FBXL17: variants seen among roughly 807,000 people sequenced by gnomAD.
The protein encoded by FBXL17 is F-box/LRR-repeat protein 17.
In FBXL17, 22 loss-of-function variants were observed where a neutral mutation model predicts 66.2. The observed-to-expected ratio is 0.33, with a 90% CI of 0.24 to 0.47. The LOEUF (loss-of-function observed/expected upper bound fraction) is 0.47, where lower values mean the gene tolerates loss of function less well. Among genes scored for constraint, FBXL17 ranks in the 20% least tolerant of loss-of-function variants. The pLI is 1.00. For missense variants in FBXL17, 878 were observed against 948.2 expected, an observed-to-expected ratio of 0.93 and a Z score of 0.97; for synonymous variants, 474 against 400.5, an observed-to-expected ratio of 1.18 and a Z score of -2.19.
intron 7 of FBXL17, among the ~76,000 whole-genome samples, chr5:108,002,015 T>G (rs1464631252): frequency 6.6e-6 from 1 of 151,910 alleles, no homozygotes; most frequent in Non-Finnish European, 1.5e-5. Flanking sequence ...AAATTGCAAA[T>G]TTCTCTTGTA....
chr5:108,228,942 C>T (rs1247423392), intron 4 of FBXL17, among the ~76,000 whole-genome samples: 1 of 152,184 alleles, frequency 6.6e-6, no homozygotes, highest in South Asian at 2.1e-4. Flanking sequence ...TTGTTGGGTA[C>T]AGCTCTGCAG....
At chr5:108,232,804 T>TATATATATATATATAA (rs1252750270) in intron 4 of FBXL17, among the ~76,000 whole-genome samples, 13 of 112,034 alleles carry the variant, frequency 1.2e-4, no homozygotes, top group Admixed American at 4.5e-4. Flanking sequence ...TATATATATA[T>TATATATATATATATAA]AATATATACT....
chr5:108,002,782 A>C (rs1753786423), intron 7 of FBXL17, among the ~76,000 whole-genome samples: 1 of 152,206 alleles, frequency 6.6e-6, no homozygotes, highest in Admixed American at 6.5e-5. Context: ...GAATCTCAAG[A>C]AACTTACTAA....
intron 4 of FBXL17, among the ~76,000 whole-genome samples, chr5:108,225,360 A>T (rs994560685): frequency 6.6e-6 from 1 of 152,170 alleles, no homozygotes; most frequent in African/African-American, 2.4e-5. Flanking sequence ...TCACTACCTC[A>T]GAATGTGATC....
intron 6 of FBXL17, among the ~76,000 whole-genome samples, chr5:108,145,576 C>G (rs1391552253): frequency 2.6e-5 from 4 of 152,134 alleles, no homozygotes; most frequent in Non-Finnish European, 4.4e-5. Flanking sequence ...AAGTGTCTTA[C>G]AATGTTTACT....
intron 8 of FBXL17, among the ~76,000 whole-genome samples, chr5:107,868,419 C>T (rs1175609750): frequency 6.6e-6 from 1 of 152,222 alleles, no homozygotes; most frequent in Non-Finnish European, 1.5e-5. Context: ...GCCTGCAGAA[C>T]AGTCTGTTGT....
At chr5:107,952,255 T>C (rs888033634) in intron 7 of FBXL17, among the ~76,000 whole-genome samples, 2 of 152,226 alleles carry the variant, frequency 1.3e-5, no homozygotes, top group African/African-American at 2.4e-5. Flanking sequence ...ATGATCCTTC[T>C]ATGGTTTATT....
intron 4 of FBXL17, among the ~76,000 whole-genome samples, chr5:108,331,959 G>C (rs1322885840): frequency 6.6e-6 from 1 of 152,130 alleles, no homozygotes; most frequent in East Asian, 1.9e-4. Flanking sequence ...ATATAGTAGA[G>C]AATATCTTAA....
In FBXL17 at chr5:108,292,126, C is replaced by CTT. The variant is rs34902962; in HGVS notation, c.1506+56271_1506+56272dup. On this transcript the variant is annotated intron_variant, in intron 4 of 8. Coordinates refer to ENST00000542267, the MANE Select transcript of FBXL17 (RefSeq NM_001163315.3). Reference sequence around the variant, plus strand: ...AATTGTTAACATAGCAACGAAAAAGCTTTTTTTTTTTTTGGAGACAGTTTC... The same window carrying CTT: ...AATTGTTAACATAGCAACGAAAAAGCTTTTTTTTTTTTTTTGGAGACAGTTTC... 2.8e-4 allele frequency among the ~76,000 whole-genome samples: 40 copies of CTT among 143,604 alleles called. No homozygotes were observed. In the East Asian group the frequency reaches 3.9e-3, roughly 14 times the overall value. 94.2% of individuals were successfully genotyped at this position (143,604 alleles called of 152,430 possible). A position where few individuals can be genotyped will look rare whatever the true frequency, so the allele number is the denominator to read the frequency against.
chr5:108,298,509 A>G, intron 4 of FBXL17: 1 of 976,826 alleles, frequency 1.0e-6, no homozygotes, highest in Non-Finnish European at 1.2e-6. Flanking sequence ...TATAAAAATT[A>G]AATTCCACTA....
At chr5:107,888,667 TTGTTATGTATACTGGTAG>T (rs1431717720) in intron 7 of FBXL17, among the ~76,000 whole-genome samples, 1 of 152,020 alleles carries the variant, frequency 6.6e-6, no homozygotes, top group Non-Finnish European at 1.5e-5. Context: ...TCCATCCACG[TTGTTATGTATACTGGTAG>T]TGTTATGTAT....
At chr5:108,360,455 T>C (rs1439010359) in intron 3 of FBXL17, among the ~76,000 whole-genome samples, 1 of 152,118 alleles carries the variant, frequency 6.6e-6, no homozygotes, top group Non-Finnish European at 1.5e-5. Context: ...ATAAAACAGT[T>C]GTAAATCTTA....
At chr5:108,305,487 G>A (rs1265951158) in intron 4 of FBXL17, among the ~76,000 whole-genome samples, 2 of 151,418 alleles carry the variant, frequency 1.3e-5, no homozygotes. Context: ...AGTTGAAGGG[G>A]GAAAAAAAAA....
At chr5:108,054,696 C>A (rs144819045) in intron 6 of FBXL17, among the ~76,000 whole-genome samples, 1 of 152,268 alleles carries the variant, frequency 6.6e-6, no homozygotes, top group East Asian at 1.9e-4. Flanking sequence ...ATAAGGCTGT[C>A]CTTTCCTCAT....
chr5:108,001,778 G>A (rs1753739724), intron 7 of FBXL17, among the ~76,000 whole-genome samples: 1 of 151,906 alleles, frequency 6.6e-6, no homozygotes, highest in Non-Finnish European at 1.5e-5. Context: ...GGGATTATAG[G>A]TGTGAGCCAC....
intron 4 of FBXL17, among the ~76,000 whole-genome samples, chr5:108,339,490 C>T (rs1448254628): frequency 1.3e-5 from 2 of 151,786 alleles, no homozygotes; most frequent in African/African-American, 4.8e-5. Context: ...CACTTCCACA[C>T]TTGTATCTTA....
At position 108,360,921 on chromosome 5, in the gene FBXL17, G is replaced by A. The variant is rs556102510; in HGVS notation, c.1374+3817C>T. 1.1e-3 allele frequency among the ~76,000 whole-genome samples: 169 copies of A among 151,816 alleles called. 2 individuals carry two copies. Among genetic ancestry groups the A allele is most frequent in the Non-Finnish European group, 1.3e-3 (85 of 67,908 alleles). On this transcript the variant is annotated intron_variant, in intron 3 of 8. Coordinates refer to ENST00000542267, the MANE Select transcript of FBXL17 (RefSeq NM_001163315.3). Reference sequence around the variant, plus strand: ...CTTCTTAGCTCCAGAATTTCTATTTGGTTCTTTCCATAATTTCTAGCTCTT... The same window carrying A: ...CTTCTTAGCTCCAGAATTTCTATTTAGTTCTTTCCATAATTTCTAGCTCTT...
chr5:108,374,392 CCAGGAA>C (rs1266195835), intron 1 of FBXL17, among the ~76,000 whole-genome samples: 1 of 152,102 alleles, frequency 6.6e-6, no homozygotes, highest in Non-Finnish European at 1.5e-5. Context: ...GTAACAGAGG[CCAGGAA>C]CAGCAGCTCA....
intron 4 of FBXL17, among the ~76,000 whole-genome samples, chr5:108,336,734 C>T (rs1024574092): frequency 1.4e-4 from 21 of 152,162 alleles, no homozygotes; most frequent in African/African-American, 4.6e-4. Context: ...TTATTTGGGA[C>T]TTTACTTCTT....
Sources: allele counts gnomAD v4.1 joint callset (sites outside exome capture counted in the v4.1 genomes callset), GRCh38; gene constraint gnomAD v4.1.1; transcripts MANE v1.5; gene names NCBI Gene and HGNC (gene_info 2026-07-23, HGNC 2026-07-21).